The following LINGO2 variants were observed in gnomAD, a reference collection of about 807,000 sequenced individuals.
LINGO2 encodes the protein leucine rich repeat and Ig domain containing 2.
Under a neutral mutation model 30.6 loss-of-function variants are expected in LINGO2, and 14 were observed. The ratio of observed to expected loss-of-function variants is 0.46; its 90% CI spans 0.30 to 0.72. The LOEUF is 0.72. LINGO2 is among the 30% of genes least tolerant of loss of function. The probability of loss-of-function intolerance (pLI) is 0.07; values close to 1 mark genes in which losing one functional copy is unlikely to be tolerated. For synonymous variants in LINGO2, 317 were observed against 288.5 expected, an observed-to-expected ratio of 1.10 and a Z score of -1.00; for missense variants, 729 against 751.7, an observed-to-expected ratio of 0.97 and a Z score of 0.35.
At chr9:29,073,859 C>T in the LINGO2 span, among the ~76,000 whole-genome samples, 9 of 152,128 alleles carry the variant, frequency 5.9e-5, no homozygotes, top group Non-Finnish European at 1.0e-4. Flanking sequence ...AGTTGGATAT[C>T]GCAGTGCCTC....
intron 4 of LINGO2, among the ~76,000 whole-genome samples, chr9:28,109,712 A>G (rs1314511711): frequency 6.6e-6 from 1 of 152,236 alleles, no homozygotes; most frequent in Non-Finnish European, 1.5e-5. Context: ...CTCTTCAAGA[A>G]CTACAAACCT....
intron 4 of LINGO2, among the ~76,000 whole-genome samples, chr9:28,233,621 T>A (rs774022128): frequency 5.3e-5 from 8 of 152,204 alleles, no homozygotes; most frequent in Middle Eastern, 3.2e-3. Flanking sequence ...TGTGTTAGGG[T>A]TTGCACCATC....
the LINGO2 span, among the ~76,000 whole-genome samples, chr9:29,203,271 T>G: frequency 6.6e-6 from 1 of 152,128 alleles, no homozygotes; most frequent in Non-Finnish European, 1.5e-5. Flanking sequence ...AAAATATCAA[T>G]TAAAACCATG....
intron 1 of LINGO2, among the ~76,000 whole-genome samples, chr9:28,504,102 CAGTT>C (rs779455489): frequency 1.3e-5 from 2 of 151,802 alleles, no homozygotes; most frequent in Non-Finnish European, 2.9e-5. Context: ...CTGATTTTAA[CAGTT>C]AGACCTCAAA....
chr9:28,306,347 G>T (rs910245977), intron 3 of LINGO2, among the ~76,000 whole-genome samples: 1 of 152,048 alleles, frequency 6.6e-6, no homozygotes, highest in South Asian at 2.1e-4. Flanking sequence ...AGGAAGAAAT[G>T]AAGGCAGAAA....
At chr9:28,616,834 AACTGT>A (rs1198943496) in intron 1 of LINGO2, among the ~76,000 whole-genome samples, 8 of 152,200 alleles carry the variant, frequency 5.3e-5, no homozygotes, top group African/African-American at 1.7e-4. Flanking sequence ...GAGTTTTGTT[AACTGT>A]ATGGGTTCTG....
Position 28,307,151 on chromosome 9 carries a change from C to T in LINGO2, c.-245-11785G>A, listed in dbSNP as rs144007443. 4.7e-3 allele frequency among the ~76,000 whole-genome samples: 712 copies of T among 152,194 alleles called. 7 individuals carry two copies. Among genetic ancestry groups the T allele is most frequent in the African/African-American group, 0.016 (667 of 41,512 alleles). On this transcript the variant is annotated intron_variant, in intron 3 of 5. Coordinates refer to ENST00000379992, the Ensembl canonical transcript of LINGO2. ...AAAAAGAGAATTTTAGATCAATATC[C>T]CTGATGAACATTGATGCAAAAATCC...
At chr9:28,479,180 G>C (rs1825836428) in intron 1 of LINGO2, among the ~76,000 whole-genome samples, 1 of 151,946 alleles carries the variant, frequency 6.6e-6, no homozygotes, top group Non-Finnish European at 1.5e-5. Flanking sequence ...AATACATAGA[G>C]ACAGAATTTT....
At chr9:28,158,227 T>C (rs931006424) in intron 4 of LINGO2, among the ~76,000 whole-genome samples, 18 of 152,134 alleles carry the variant, frequency 1.2e-4, no homozygotes, top group Non-Finnish European at 2.1e-4. Context: ...GAAATTCCCC[T>C]TTTTAAAACC....
At chr9:27,992,817 T>G (rs745767694) in intron 5 of LINGO2, among the ~76,000 whole-genome samples, 55 of 152,160 alleles carry the variant, frequency 3.6e-4, no homozygotes, top group Non-Finnish European at 2.5e-4. Context: ...TGGTGCCTTG[T>G]GTGAAGCGTC....
rs187925844 is a variant in LINGO2 at position 28,026,597 on chromosome 9, G to A, written c.-86-14192C>T. Reference sequence around the variant, plus strand: ...CCCCAAGTTATAAAGCTTGCATTTTGGATCCATCTCTGCAACTAAATGCCT... The same window carrying A: ...CCCCAAGTTATAAAGCTTGCATTTTAGATCCATCTCTGCAACTAAATGCCT... On this transcript the variant is annotated intron_variant, in intron 4 of 5. Transcript: ENST00000379992. Among the ~76,000 whole-genome samples the A allele has an allele frequency of 1.2e-4, 18 of 152,252 alleles. No homozygotes were observed. The East Asian group carries it at 3.1e-3, about 26-fold the overall frequency.
the LINGO2 span, among the ~76,000 whole-genome samples, chr9:28,688,499 C>T: frequency 6.6e-6 from 1 of 152,132 alleles, no homozygotes; most frequent in Non-Finnish European, 1.5e-5. Context: ...TCTGTAACCA[C>T]ACTCCTTTAA....
chr9:28,773,147 C>G, the LINGO2 span, among the ~76,000 whole-genome samples: 1 of 152,068 alleles, frequency 6.6e-6, no homozygotes, highest in Non-Finnish European at 1.5e-5. Context: ...GGGTGGATCA[C>G]GACGTCAGGA....
intron 4 of LINGO2, among the ~76,000 whole-genome samples, chr9:28,244,188 A>C (rs749068274): frequency 1.3e-5 from 2 of 152,200 alleles, no homozygotes; most frequent in Non-Finnish European, 2.9e-5. Flanking sequence ...AAACCACACA[A>C]TTACATGGAA....
chr9:28,779,957 G>A, the LINGO2 span, among the ~76,000 whole-genome samples: 1 of 151,972 alleles, frequency 6.6e-6, no homozygotes, highest in Non-Finnish European at 1.5e-5. Context: ...AAAAAAGTGT[G>A]TTTAATGCCT....
chr9:28,201,778 CCT>C (rs1241419982), intron 4 of LINGO2, among the ~76,000 whole-genome samples: 1 of 151,894 alleles, frequency 6.6e-6, no homozygotes, highest in Non-Finnish European at 1.5e-5. Context: ...TCCTTTCTCC[CCT>C]CTCTTTTCCT....
At position 28,637,345 on chromosome 9, in the gene LINGO2, C is replaced by T. The variant is rs1171862364; in HGVS notation, c.-365+32855G>A. Among the ~76,000 whole-genome samples the T allele has an allele frequency of 3.9e-5, 6 of 152,132 alleles. No homozygotes were observed. The East Asian group carries it at 1.2e-3, about 29-fold the overall frequency. On this transcript the variant is annotated intron_variant, in intron 1 of 5. Transcript: ENST00000379992. ...CATATGAACTTTAAAGTAGTTTTGC[C>T]AATTCTGTGAAAAAAGTCATTGATA...
the LINGO2 span, among the ~76,000 whole-genome samples, chr9:28,874,716 T>C: frequency 6.6e-6 from 1 of 152,124 alleles, no homozygotes; most frequent in African/African-American, 2.4e-5. Context: ...CTTTGGGTTT[T>C]AGATAGTCTC....
At chr9:29,200,162 G>A in the LINGO2 span, among the ~76,000 whole-genome samples, 1 of 152,146 alleles carries the variant, frequency 6.6e-6, no homozygotes, top group South Asian at 2.1e-4. Context: ...GTGAAAATCT[G>A]ACTTAAGTCA....
Sources: allele counts gnomAD v4.1 joint callset (sites outside exome capture counted in the v4.1 genomes callset), GRCh38; gene constraint gnomAD v4.1.1; transcripts MANE v1.5; gene names NCBI Gene and HGNC (gene_info 2026-07-23, HGNC 2026-07-21).